The following TEAD1 variants were observed in gnomAD, a reference collection of about 807,000 sequenced individuals.
TEAD1 encodes the protein TEA domain transcription factor 1, also known as transcriptional enhancer factor TEF-1.
Under a neutral mutation model 54.9 loss-of-function variants are expected in TEAD1, and 9 were observed. That is an observed-to-expected ratio of 0.16 (90% CI 0.10 to 0.29). The LOEUF (loss-of-function observed/expected upper bound fraction) is 0.29, where lower values mean the gene tolerates loss of function less well. Ranked by LOEUF, TEAD1 falls within the 10% of genes least tolerant of loss-of-function variation. The probability of loss-of-function intolerance (pLI) is 1.00; values close to 1 mark genes in which losing one functional copy is unlikely to be tolerated. For missense variants in TEAD1, 387 were observed against 535.9 expected (o/e 0.72, Z 2.74); for synonymous variants, 200 against 187.8 (o/e 1.07, Z -0.53).
intron 2 of TEAD1, among the ~76,000 whole-genome samples, chr11:12,681,657 A>G (rs1164470213): frequency 6.6e-6 from 1 of 152,242 alleles, no homozygotes; most frequent in Admixed American, 6.5e-5. Context: ...GATGGTGTGC[A>G]TGACCATGTG....
chr11:12,841,215 C>G (rs934436791), intron 3 of TEAD1, among the ~76,000 whole-genome samples: 1 of 152,180 alleles, frequency 6.6e-6, no homozygotes, highest in Non-Finnish European at 1.5e-5. Context: ...TTCCTACCTG[C>G]GTCTCTTATA....
At chr11:12,820,197 A>T (rs772492015) in intron 3 of TEAD1, among the ~76,000 whole-genome samples, 17 of 152,160 alleles carry the variant, frequency 1.1e-4, no homozygotes, top group Non-Finnish European at 1.9e-4. Flanking sequence ...ATCTGGTTTG[A>T]ATAATGTATA....
intron 11 of TEAD1, among the ~76,000 whole-genome samples, chr11:12,929,721 G>A (rs1430041549): frequency 5.9e-5 from 9 of 151,994 alleles, no homozygotes; most frequent in African/African-American, 2.2e-4. Context: ...ACATTCAGGG[G>A]CTCATGATCC....
intron 2 of TEAD1, among the ~76,000 whole-genome samples, chr11:12,752,805 A>G (rs910982172): frequency 6.6e-6 from 1 of 151,618 alleles, no homozygotes; most frequent in African/African-American, 2.4e-5. Flanking sequence ...ACTGCATTGG[A>G]CAGTACAGCT....
At chr11:12,701,543 A>C (rs1206151279) in intron 2 of TEAD1, among the ~76,000 whole-genome samples, 1 of 152,168 alleles carries the variant, frequency 6.6e-6, no homozygotes, top group Admixed American at 6.5e-5. Flanking sequence ...AAAGTTGAGT[A>C]ATCGGAAGGG....
At chr11:12,917,359 G>C (rs1184602337) in intron 10 of TEAD1, among the ~76,000 whole-genome samples, 1 of 152,160 alleles carries the variant, frequency 6.6e-6, no homozygotes, top group African/African-American at 2.4e-5. Flanking sequence ...GTCCCTTCTA[G>C]TTCCTTGATC....
chr11:12,876,691 C>T (rs1018502617), intron 5 of TEAD1, among the ~76,000 whole-genome samples: 2 of 152,192 alleles, frequency 1.3e-5, no homozygotes, highest in Non-Finnish European at 2.9e-5. Flanking sequence ...TGAGCCATTA[C>T]CTCAGTTTCA....
At chr11:12,705,521 A>G (rs982398481) in intron 2 of TEAD1, among the ~76,000 whole-genome samples, 5 of 152,098 alleles carry the variant, frequency 3.3e-5, no homozygotes, top group African/African-American at 7.2e-5. Context: ...CATTTGTGTG[A>G]GTTTATGCCA....
intron 3 of TEAD1, among the ~76,000 whole-genome samples, chr11:12,819,933 T>C (rs1946505403): frequency 1.3e-5 from 2 of 151,308 alleles, no homozygotes; most frequent in Admixed American, 6.7e-5. Flanking sequence ...TTGGAGGGCA[T>C]GGACAGTTTC....
chr11:12,837,969 A>T (rs569552088), intron 3 of TEAD1, among the ~76,000 whole-genome samples: 1 of 151,206 alleles, frequency 6.6e-6, no homozygotes, highest in Non-Finnish European at 1.5e-5. Flanking sequence ...ATTTTTTTGT[A>T]TTTTTTTAGT....
In TEAD1 at chr11:12,940,800, T is replaced by G. The variant is rs1003764279; in HGVS notation, c.*3578T>G. On this transcript the variant is annotated 3_prime_UTR_variant, in exon 13 of 13. Transcript: ENST00000527636. ...TATTTCGGCATATTTCCTCTGGGCT[T>G]CTTCTAGTTTCTGCCTTACAAGCAA... 3.3e-5 allele frequency: 5 copies of G among 152,166 alleles called. No homozygotes were observed. Among genetic ancestry groups the G allele is most frequent in the East Asian group, 1.9e-4 (1 of 5,200 alleles). The allele number at this position is 152,166 out of a possible 1,614,324, so 9.4% of individuals were successfully genotyped here. A position where few individuals can be genotyped will look rare whatever the true frequency, so the allele number is the denominator to read the frequency against.
At chr11:12,930,363 T>C (rs940474987) in intron 12 of TEAD1, 37 bp downstream of exon 12, 1 of 1,613,096 alleles carries the variant, frequency 6.2e-7, no homozygotes, top group East Asian at 2.2e-5. Context: ...GGGCAGATGC[T>C]GCCATGAGGC....
At chr11:12,793,339 C>T (rs1354200885) in intron 3 of TEAD1, among the ~76,000 whole-genome samples, 1 of 152,060 alleles carries the variant, frequency 6.6e-6, no homozygotes, top group Non-Finnish European at 1.5e-5. Context: ...CCAATGTCTG[C>T]TCTACTAAAA....
intron 3 of TEAD1, among the ~76,000 whole-genome samples, chr11:12,850,580 A>G (rs1341560156): frequency 6.6e-6 from 1 of 152,246 alleles, no homozygotes; most frequent in Non-Finnish European, 1.5e-5. Flanking sequence ...AGAGAAGTTG[A>G]GCAAGTTTCC....
chr11:12,853,399 G>C (rs1304397295), intron 3 of TEAD1, among the ~76,000 whole-genome samples: 1 of 152,148 alleles, frequency 6.6e-6, no homozygotes, highest in Admixed American at 6.6e-5. Flanking sequence ...GGCAGTAGGA[G>C]CCTTGGAAGG....
chr11:12,740,148 C>G (rs1277725185), intron 2 of TEAD1, among the ~76,000 whole-genome samples: 1 of 152,162 alleles, frequency 6.6e-6, no homozygotes, highest in Admixed American at 6.5e-5. Flanking sequence ...GTCAGACTGT[C>G]TAGATTTAAA....
At chr11:12,921,431 T>A (rs1357190276) in intron 10 of TEAD1, among the ~76,000 whole-genome samples, 3 of 151,650 alleles carry the variant, frequency 2.0e-5, no homozygotes, top group Non-Finnish European at 4.4e-5. Flanking sequence ...TCCCAGTTAC[T>A]TGGGAGGCTG....
intron 3 of TEAD1, chr11:12,822,798 G>A (rs1399534824): frequency 6.6e-6 from 1 of 152,176 alleles, no homozygotes; most frequent in Non-Finnish European, 1.5e-5. Flanking sequence ...ATCCATATTA[G>A]TAAGCCCAAC....
At chr11:12,844,473 A>G (rs765219338) in intron 3 of TEAD1, among the ~76,000 whole-genome samples, 3 of 152,260 alleles carry the variant, frequency 2.0e-5, no homozygotes, top group East Asian at 1.9e-4. Flanking sequence ...TTTGTTGCCT[A>G]TATTTTTTAA....
Sources: allele counts gnomAD v4.1 joint callset (sites outside exome capture counted in the v4.1 genomes callset), GRCh38; gene constraint gnomAD v4.1.1; transcripts MANE v1.5; gene names NCBI Gene and HGNC (gene_info 2026-07-23, HGNC 2026-07-21).